Variants in PTPRD observed in about 807,000 individuals in gnomAD.
PTPRD encodes the protein receptor-type tyrosine-protein phosphatase delta.
PTPRD carries 34 observed loss-of-function variants against 214.5 expected under a neutral mutation model. That is an observed-to-expected ratio of 0.16 (90% CI 0.12 to 0.21). PTPRD has a LOEUF of 0.21. PTPRD is among the 10% of genes least tolerant of loss of function. The pLI is 1.00. For synonymous variants in PTPRD, 1,128 were observed against 845.7 expected (o/e 1.33, Z -5.79); for missense variants, 2,545 against 2,398.7 (o/e 1.06, Z -1.27).
At chr9:8,973,103 A>G (rs1285253470) in intron 11 of PTPRD, among the ~76,000 whole-genome samples, 4 of 151,870 alleles carry the variant, frequency 2.6e-5, no homozygotes, top group Admixed American at 6.6e-5. Context: ...AAAAATATTC[A>G]GCTTTGATTT....
intron 6 of PTPRD, among the ~76,000 whole-genome samples, chr9:9,764,641 C>A (rs150544831): frequency 1.3e-5 from 2 of 152,058 alleles, no homozygotes; most frequent in Non-Finnish European, 2.9e-5. Context: ...TATTACATAA[C>A]AGATATAAGA....
At chr9:10,178,283 G>C (rs1225090597) in intron 3 of PTPRD, among the ~76,000 whole-genome samples, 2 of 151,828 alleles carry the variant, frequency 1.3e-5, no homozygotes, top group Admixed American at 6.6e-5. Context: ...TCTAGGGCCC[G>C]GGATATTGTT....
chr9:9,354,032 T>A (rs2052603094), intron 9 of PTPRD, among the ~76,000 whole-genome samples: 3 of 151,782 alleles, frequency 2.0e-5, no homozygotes, highest in African/African-American at 7.2e-5. Flanking sequence ...TCCTAGAGGC[T>A]GCTCTGAGCT....
intron 39 of PTPRD, among the ~76,000 whole-genome samples, chr9:8,342,189 G>A (rs1215727193): frequency 6.6e-6 from 1 of 151,890 alleles, no homozygotes; most frequent in Non-Finnish European, 1.5e-5. Flanking sequence ...AGTAAAATTA[G>A]TTTAGTTTTA....
intron 4 of PTPRD, among the ~76,000 whole-genome samples, chr9:9,944,774 C>G (rs2092303086): frequency 6.6e-6 from 1 of 151,806 alleles, no homozygotes; most frequent in Non-Finnish European, 1.5e-5. Flanking sequence ...GACACATAAT[C>G]TAAATTTGAG....
chr9:9,779,744 A>C (rs1359667995), intron 5 of PTPRD, among the ~76,000 whole-genome samples: 1 of 152,212 alleles, frequency 6.6e-6, no homozygotes, highest in African/African-American at 2.4e-5. Flanking sequence ...GCACCAACTT[A>C]TATTCCTACC....
chr9:9,246,786 G>C (rs1221198917), intron 9 of PTPRD, among the ~76,000 whole-genome samples: 4 of 151,974 alleles, frequency 2.6e-5, no homozygotes, highest in Non-Finnish European at 4.4e-5. Context: ...AGACAATCCA[G>C]CAACCCAATT....
At chr9:9,794,409 G>A (rs2153481577) in intron 5 of PTPRD, among the ~76,000 whole-genome samples, 1 of 152,080 alleles carries the variant, frequency 6.6e-6, no homozygotes. Flanking sequence ...TGAAAGGTAT[G>A]GAGACTTAAC....
chr9:10,194,798 G>A (rs1011950475), intron 3 of PTPRD, among the ~76,000 whole-genome samples: 1 of 151,960 alleles, frequency 6.6e-6, no homozygotes, highest in Admixed American at 6.6e-5. Flanking sequence ...ATTTATTAAA[G>A]GCTTACAGTA....
chr9:9,760,757 A>T (rs1485331401), intron 6 of PTPRD, among the ~76,000 whole-genome samples: 1 of 152,186 alleles, frequency 6.6e-6, no homozygotes, highest in Non-Finnish European at 1.5e-5. Context: ...ATTTCACTGA[A>T]GAAGATAGAC....
intron 5 of PTPRD, among the ~76,000 whole-genome samples, chr9:9,922,935 G>A (rs1305907702): frequency 2.2e-5 from 3 of 139,504 alleles, no homozygotes; most frequent in South Asian, 4.6e-4. Flanking sequence ...CTCAATTGAT[G>A]TAATATACTG....
intron 35 of PTPRD, among the ~76,000 whole-genome samples, chr9:8,417,008 T>A (rs1364756888): frequency 6.6e-6 from 1 of 152,080 alleles, no homozygotes; most frequent in Non-Finnish European, 1.5e-5. Flanking sequence ...ACGTAAATTA[T>A]AAATTTATTA....
intron 3 of PTPRD, among the ~76,000 whole-genome samples, chr9:10,319,775 G>T (rs1053427996): frequency 1.3e-5 from 2 of 151,944 alleles, no homozygotes; most frequent in African/African-American, 4.8e-5. Context: ...TACTTAAAGA[G>T]AGATCACGAG....
intron 3 of PTPRD, among the ~76,000 whole-genome samples, chr9:10,039,878 G>C (rs752051731): frequency 1.3e-5 from 2 of 151,970 alleles, no homozygotes; most frequent in African/African-American, 2.4e-5. Context: ...GGCAAACAAA[G>C]AATATGAGAC....
chr9:9,620,530 CA>C (rs1442736392), intron 7 of PTPRD, among the ~76,000 whole-genome samples: 2 of 152,084 alleles, frequency 1.3e-5, no homozygotes, highest in African/African-American at 4.8e-5. Context: ...CAGAGTATTT[CA>C]AGTTTCACTG....
intron 3 of PTPRD, among the ~76,000 whole-genome samples, chr9:10,079,932 C>CTT (rs58765296): frequency 2.2e-4 from 30 of 139,168 alleles, no homozygotes; most frequent in Admixed American, 1.2e-3. Flanking sequence ...TTAAATCTTG[C>CTT]TTTTTTTTTT....
At chr9:9,590,832 T>G (rs978319542) in intron 7 of PTPRD, among the ~76,000 whole-genome samples, 8 of 152,062 alleles carry the variant, frequency 5.3e-5, no homozygotes, top group African/African-American at 1.9e-4. Context: ...CCTTAGAGGT[T>G]AATGATATTA....
At chr9:10,385,448 G>C (rs939535233) in intron 2 of PTPRD, among the ~76,000 whole-genome samples, 1 of 151,750 alleles carries the variant, frequency 6.6e-6, no homozygotes, top group African/African-American at 2.4e-5. Flanking sequence ...AGCAAAAAAT[G>C]TATCTATATA....
intron 33 of PTPRD, among the ~76,000 whole-genome samples, chr9:8,458,359 C>T (rs890398920): frequency 1.3e-5 from 2 of 152,054 alleles, no homozygotes; most frequent in African/African-American, 4.8e-5. Flanking sequence ...CCATATACAT[C>T]TGTTGCTTGG....
Sources: allele counts gnomAD v4.1 joint callset (sites outside exome capture counted in the v4.1 genomes callset), GRCh38; gene constraint gnomAD v4.1.1; transcripts MANE v1.5; gene names NCBI Gene and HGNC (gene_info 2026-07-23, HGNC 2026-07-21).